PGR: variants seen among roughly 807,000 people sequenced by gnomAD.
PGR encodes progesterone receptor.
PGR carries 25 observed loss-of-function variants against 76.1 expected under a neutral mutation model. The ratio of observed to expected loss-of-function variants is 0.33; its 90% CI spans 0.24 to 0.46. The LOEUF (loss-of-function observed/expected upper bound fraction) is 0.46. PGR is among the 20% of genes least tolerant of loss of function. PGR has a pLI of 1.00. For synonymous variants in PGR, 579 were observed against 535.0 expected, an observed-to-expected ratio of 1.08 and a Z score of -1.14; for missense variants, 1,172 against 1,225.3, an observed-to-expected ratio of 0.96 and a Z score of 0.65.
At chr11:101,063,150 T>C (rs1860577785) in intron 3 of PGR, 1 of 161,626 alleles carries the variant, frequency 6.2e-6, no homozygotes, top group Non-Finnish European at 1.3e-5. Flanking sequence ...AATCTAATGC[T>C]ACAGACTACA....
chr11:101,039,289 G>C lies in PGR; in HGVS notation c.2647-18C>G. On this transcript the variant is annotated intron_variant, in intron 7 of 7. Coordinates refer to ENST00000325455, the MANE Select transcript of PGR (RefSeq NM_000926.4). ...TTGACAAGCTGTTGGTTTAACAAAT[G>C]AGTAGAAAACATGTAATAAAAATAA... The C allele has an allele frequency of 6.3e-7, 1 of 1,579,442 alleles. No homozygotes were observed. Among genetic ancestry groups the C allele is most frequent in the Non-Finnish European group, 8.7e-7 (1 of 1,149,758 alleles).
intron 3 of PGR, among the ~76,000 whole-genome samples, chr11:101,089,030 A>G (rs1861590200): frequency 6.6e-6 from 1 of 152,184 alleles, no homozygotes; most frequent in African/African-American, 2.4e-5. Context: ...CTAGAGGAGG[A>G]AGGAAGAAGA....
chr11:101,129,200 T>G lies in PGR; in HGVS notation c.-130A>C. The G allele has an allele frequency of 7.7e-6, 1 of 129,092 alleles. No homozygotes were observed. Among genetic ancestry groups the G allele is most frequent in the Non-Finnish European group, 1.5e-5 (1 of 67,902 alleles). 8.0% of individuals were successfully genotyped at this position (129,092 alleles called of 1,614,324 possible). A position where few individuals can be genotyped will look rare whatever the true frequency, so the allele number is the denominator to read the frequency against. ...GTTGAATGTGGCTGGACCGGAGGGA[T>G]CTCCACCTCCTGGGTCGGGGGCGGG... On this transcript the variant is annotated 5_prime_UTR_variant, in exon 1 of 8. Coordinates refer to ENST00000325455, the MANE Select transcript of PGR (RefSeq NM_000926.4).
chr11:101,097,567 C>T (rs777542450), intron 2 of PGR, among the ~76,000 whole-genome samples: 10 of 152,046 alleles, frequency 6.6e-5, no homozygotes, highest in South Asian at 4.1e-4. Context: ...CCTATTGTTT[C>T]GCTTATATTT....
At position 101,030,189 on chromosome 11, in the gene PGR, T is replaced by A. The variant is rs1446667780; in HGVS notation, c.*8927A>T. ...TAATAACTAAATAGGGCGTGAGTCA[T>A]GAGAAAGATTCCCTGCATCTCTTGC... is the stretch of plus-strand genomic sequence containing the variant. On this transcript the variant is annotated 3_prime_UTR_variant, in exon 8 of 8. Coordinates refer to ENST00000325455, the MANE Select transcript of PGR (RefSeq NM_000926.4). 4.1e-5 allele frequency: 9 copies of A among 221,200 alleles called. No homozygotes were observed. In the Admixed American group the frequency reaches 5.2e-4, roughly 13 times the overall value. 13.7% of individuals were successfully genotyped at this position (221,200 alleles called of 1,614,324 possible).
At chr11:101,054,727 A>G (rs1860228895) in intron 4 of PGR, among the ~76,000 whole-genome samples, 1 of 152,188 alleles carries the variant, frequency 6.6e-6, no homozygotes, top group Admixed American at 6.5e-5. Flanking sequence ...CATTGAATCT[A>G]AATTTCTTCA....
intron 2 of PGR, among the ~76,000 whole-genome samples, chr11:101,101,082 G>A (rs865951992): frequency 8.5e-5 from 13 of 152,284 alleles, no homozygotes; most frequent in Middle Eastern, 3.4e-3. Flanking sequence ...GACTAGGGCA[G>A]GAAATGTGCA....
intron 2 of PGR, among the ~76,000 whole-genome samples, chr11:101,114,911 T>A (rs1862455095): frequency 6.6e-6 from 1 of 152,206 alleles, no homozygotes; most frequent in Non-Finnish European, 1.5e-5. Flanking sequence ...CAAAAAATAT[T>A]TAGGGGCTTC....
At chr11:101,076,439 C>A (rs1861130911) in intron 3 of PGR, among the ~76,000 whole-genome samples, 1 of 151,508 alleles carries the variant, frequency 6.6e-6, no homozygotes, top group African/African-American at 2.4e-5. Flanking sequence ...ACGTTCTGCA[C>A]GTGTATCCCA....
At chr11:101,075,872 A>G (rs923989577) in intron 3 of PGR, among the ~76,000 whole-genome samples, 2 of 152,200 alleles carry the variant, frequency 1.3e-5, no homozygotes, top group Non-Finnish European at 2.9e-5. Context: ...TGTTGGTGGC[A>G]GTGTAAATTA....
intron 3 of PGR, 52 bp downstream of exon 3, chr11:101,091,708 T>A: frequency 1.0e-6 from 1 of 957,702 alleles, no homozygotes; most frequent in East Asian, 2.4e-5. Context: ...GACACACAGT[T>A]TTATAGTATA....
rs1056700813 is a variant in PGR at position 101,040,962 on chromosome 11, T to C, written c.2646+983A>G. Among the ~76,000 whole-genome samples the C allele has an allele frequency of 7.2e-5, 11 of 152,068 alleles. No homozygotes were observed. In the East Asian group the frequency reaches 2.1e-3, roughly 29 times the overall value. On this transcript the variant is annotated intron_variant, in intron 7 of 7. Transcript: ENST00000325455. ...TTTTATTTTTCCTCAGATTTTCCTT[T>C]CCATTTCAGCCCTTTCATTGAATTT...
At chr11:101,085,825 C>A (rs1483680304) in intron 3 of PGR, among the ~76,000 whole-genome samples, 1 of 152,094 alleles carries the variant, frequency 6.6e-6, no homozygotes, top group African/African-American at 2.4e-5. Context: ...AACACCTCTA[C>A]ACACACAAAC....
chr11:101,038,508 T>A lies in PGR; in HGVS notation c.*608A>T. 4.4e-6 allele frequency: 1 copy of A among 228,734 alleles called. No individual in the cohort carries two copies. The highest frequency in any genetic ancestry group is 8.7e-6 in the Non-Finnish European group (1 of 115,246). The allele number at this position is 228,734 out of a possible 1,614,324, so 14.2% of individuals were successfully genotyped here. Reference sequence around the variant, plus strand: ...TCCTAAGAGATTTGTGTTTCCAATCTGGAAAATGGTCTTAACATATGAGTT... The same window carrying A: ...TCCTAAGAGATTTGTGTTTCCAATCAGGAAAATGGTCTTAACATATGAGTT... On this transcript the variant is annotated 3_prime_UTR_variant, in exon 8 of 8. Coordinates refer to ENST00000325455, the MANE Select transcript of PGR (RefSeq NM_000926.4).
At chr11:101,090,735 A>G (rs1861651470) in intron 3 of PGR, among the ~76,000 whole-genome samples, 1 of 152,224 alleles carries the variant, frequency 6.6e-6, no homozygotes, top group South Asian at 2.1e-4. Flanking sequence ...CAAATCTTTA[A>G]TCAAGAAATT....
intron 2 of PGR, among the ~76,000 whole-genome samples, chr11:101,121,793 G>A (rs2135503067): frequency 6.6e-6 from 1 of 152,262 alleles, no homozygotes; most frequent in African/African-American, 2.4e-5. Flanking sequence ...ATAGTGCCTG[G>A]CGCATGGCAG....
At chr11:101,058,549 G>GT (rs1860374015) in intron 4 of PGR, among the ~76,000 whole-genome samples, 1 of 152,168 alleles carries the variant, frequency 6.6e-6, no homozygotes, top group South Asian at 2.1e-4. Flanking sequence ...AAAGAATAAA[G>GT]TATGTCCTAA....
In PGR at chr11:101,128,516, C is replaced by A. The variant is rs367706652; in HGVS notation, c.555G>T (p.Leu185=). 23 of 1,602,828 alleles carry A rather than the reference C, an allele frequency of 1.4e-5. No homozygotes were observed. Among genetic ancestry groups the A allele is most frequent in the Non-Finnish European group, 2.0e-5 (23 of 1,177,938 alleles). ...SSGTAAAHKV[L]PRGLSPARQL... The stretch of plus-strand genomic sequence containing the variant: ...GCCGGGCTGGTGACAGGCCCCGGGG[C>A]AGCACTTTATGGGCAGCTGCCGTCC... The change falls in exon 1 of 8, where the codon CTG becomes CTT. Residue 185 remains leucine (L), a synonymous_variant. Coordinates refer to ENST00000325455, the MANE Select transcript of PGR (RefSeq NM_000926.4).
chr11:101,128,193 C>A lies in PGR; in HGVS notation c.878G>T (p.Arg293Leu). 2.5e-6 allele frequency: 4 copies of A among 1,598,400 alleles called. No homozygotes were observed. The highest frequency in any genetic ancestry group is 2.5e-6 in the Non-Finnish European group (3 of 1,179,632). Residue 293 changes from arginine (R) to leucine (L), a missense_variant, in exon 1 of 8, where the codon CGC becomes CTC. Around this residue, in one of 4 missense-constraint regions of PGR, gnomAD observed 893 missense variants for 785.9 expected, o/e 1.14. Transcript: ENST00000325455. Reference sequence around the variant, plus strand: ...CATCACCGTGGTGGCCAGCGGGGAGCGCCCGGGCGCCATCGGCGCGTCCTG... The same window carrying A: ...CATCACCGTGGTGGCCAGCGGGGAGAGCCCGGGCGCCATCGGCGCGTCCTG... Reference protein sequence around the residue: ...VEQDAPMAPGRSPLATTVMDF... With the variant: ...VEQDAPMAPGLSPLATTVMDF...
Sources: allele counts gnomAD v4.1 joint callset (sites outside exome capture counted in the v4.1 genomes callset), GRCh38; gene constraint gnomAD v4.1.1; regional missense constraint gnomAD v4.1.1; transcripts MANE v1.5; gene names NCBI Gene and HGNC (gene_info 2026-07-23, HGNC 2026-07-21).